The following RBFOX2 variants were observed in gnomAD, a reference collection of about 807,000 sequenced individuals.
RBFOX2 encodes the protein RNA binding protein fox-1 homolog 2.
A neutral mutation model predicts 49.1 loss-of-function variants in RBFOX2; 10 were observed. The ratio of observed to expected loss-of-function variants is 0.20; its 90% CI spans 0.13 to 0.35. RBFOX2 has a LOEUF of 0.35. Ranked by LOEUF, RBFOX2 falls within the 10% of genes least tolerant of loss-of-function variation. The pLI, the probability that RBFOX2 is intolerant of heterozygous loss-of-function variation, is 1.00. For synonymous variants in RBFOX2, 183 were observed against 187.4 expected (o/e 0.98, Z 0.19); for missense variants, 323 against 486.9 (o/e 0.66, Z 3.17).
At chr22:35,813,303 T>C (rs1952288644) in intron 1 of RBFOX2, among the ~76,000 whole-genome samples, 2 of 152,226 alleles carry the variant, frequency 1.3e-5, no homozygotes, top group African/African-American at 4.8e-5. Context: ...CAAAGTTCTA[T>C]GCTCAGAAGA....
chr22:35,911,513 T>C (rs1264521076), intron 1 of RBFOX2, among the ~76,000 whole-genome samples: 1 of 152,196 alleles, frequency 6.6e-6, no homozygotes, highest in Non-Finnish European at 1.5e-5. Context: ...GGTATTTTAA[T>C]ATACAGGATA....
upstream of RBFOX2, among the ~76,000 whole-genome samples, chr22:35,962,924 A>G (rs1184956477): frequency 6.6e-6 from 1 of 152,016 alleles, no homozygotes; most frequent in African/African-American, 2.4e-5. Flanking sequence ...GTGACCAAGT[A>G]ATAAGGGCTC....
At chr22:36,000,810 G>C (rs1162503584) in intron 1 of RBFOX2, among the ~76,000 whole-genome samples, 1 of 151,912 alleles carries the variant, frequency 6.6e-6, no homozygotes, top group Non-Finnish European at 1.5e-5. Flanking sequence ...CCTGCCTCTT[G>C]ACATCTTTCC....
rs1026647988 is a variant in RBFOX2, at chr22:35,870,064, A to G, written c.-33-60060T>C. 2.0e-5 allele frequency among the ~76,000 whole-genome samples: 3 copies of G among 152,200 alleles called. No homozygotes were observed. The East Asian group carries it at 5.8e-4, about 29-fold the overall frequency. On this transcript the variant is annotated intron_variant, in intron 1 of 13. Transcript: ENST00000359369. ...GGCTCTAAACATACAGAATGTAAATATGGACTTTTGTGGCAAGGCCCTTTC... is the reference window on the plus strand; with the variant it reads ...GGCTCTAAACATACAGAATGTAAATGTGGACTTTTGTGGCAAGGCCCTTTC...
chr22:35,751,328 TG>T (rs1569230224), intron 9 of RBFOX2, among the ~76,000 whole-genome samples: 1 of 151,702 alleles, frequency 6.6e-6, no homozygotes. Flanking sequence ...AGGAGGAGAG[TG>T]TGTATTTCAA....
rs866923428 is a variant in RBFOX2, at chr22:35,755,867, T to G, written c.887+4021A>C. 7.2e-5 allele frequency among the ~76,000 whole-genome samples: 11 copies of G among 152,000 alleles called. No homozygotes were observed. The Middle Eastern group carries it at 0.031, about 429-fold the overall frequency. Reference sequence around the variant, plus strand: ...AGAATATGTCCAGTAGACTGACCCTTGCAATGATCAGGAAACCCAAAGGCT... The same window carrying G: ...AGAATATGTCCAGTAGACTGACCCTGGCAATGATCAGGAAACCCAAAGGCT... On this transcript the variant is annotated intron_variant, in intron 9 of 11. Coordinates refer to ENST00000405409, the Ensembl canonical transcript of RBFOX2.
intron 1 of RBFOX2, among the ~76,000 whole-genome samples, chr22:35,911,716 A>G (rs772597234): frequency 2.0e-5 from 3 of 152,160 alleles, no homozygotes; most frequent in Non-Finnish European, 2.9e-5. Flanking sequence ...ATCTCTGCCT[A>G]TGACTCCATC....
At chr22:35,808,247 GAAAGTCTC>G (rs1458970907) in intron 2 of RBFOX2, among the ~76,000 whole-genome samples, 1 of 151,818 alleles carries the variant, frequency 6.6e-6, no homozygotes, top group Non-Finnish European at 1.5e-5. Context: ...AAATGCTACT[GAAAGTCTC>G]GTTTGTTACC....
intron 1 of RBFOX2, among the ~76,000 whole-genome samples, chr22:35,958,921 T>C (rs988731499): frequency 3.3e-5 from 5 of 152,002 alleles, no homozygotes; most frequent in African/African-American, 2.4e-5. Flanking sequence ...ATAGTCTCCA[T>C]TAAGTAAAAG....
upstream of RBFOX2, among the ~76,000 whole-genome samples, chr22:35,941,622 A>G (rs995265248): frequency 6.6e-6 from 1 of 152,198 alleles, no homozygotes; most frequent in Non-Finnish European, 1.5e-5. Context: ...TTATCTGATT[A>G]AGAAAGTAAT....
exon 12 of RBFOX2, chr22:35,739,970 TG>T (rs1253161785): frequency 3.9e-5 from 6 of 152,658 alleles, no homozygotes; most frequent in Admixed American, 6.5e-5. Context: ...AAACTGTAAC[TG>T]GCTACAGTTT....
chr22:35,887,574 C>G (rs554471040), intron 1 of RBFOX2, among the ~76,000 whole-genome samples: 4 of 152,112 alleles, frequency 2.6e-5, no homozygotes, highest in Admixed American at 6.5e-5. Flanking sequence ...TCCCCATTAC[C>G]ATATAGTGTT....
chr22:35,788,856 G>C (rs981530058), intron 2 of RBFOX2, among the ~76,000 whole-genome samples: 4 of 152,172 alleles, frequency 2.6e-5, no homozygotes, highest in African/African-American at 9.7e-5. Context: ...AGTCCTGGAA[G>C]TTTTCTTGTG....
chr22:36,016,120 A>G (rs2059024579), intron 1 of RBFOX2, among the ~76,000 whole-genome samples: 1 of 152,082 alleles, frequency 6.6e-6, no homozygotes, highest in African/African-American at 2.4e-5. Context: ...ATCCATATAG[A>G]TCTGCTTTGA....
At chr22:36,014,096 G>C (rs948315305) in intron 1 of RBFOX2, among the ~76,000 whole-genome samples, 1 of 151,550 alleles carries the variant, frequency 6.6e-6, no homozygotes, top group South Asian at 2.1e-4. Flanking sequence ...GCTGGGGCAT[G>C]GGCAGGATGA....
At chr22:35,742,751 A>G (rs1930565255) in exon 12 of RBFOX2, 1 of 152,466 alleles carries the variant, frequency 6.6e-6, no homozygotes, top group Admixed American at 6.5e-5. Flanking sequence ...TGGCAACGGC[A>G]GTGACTCACT....
chr22:35,752,662 C>T (rs1470642891), intron 9 of RBFOX2: 2 of 983,072 alleles, frequency 2.0e-6, no homozygotes, highest in Non-Finnish European at 1.2e-6. Flanking sequence ...TATTCTATAA[C>T]AGAACACAGG....
chr22:35,949,781 G>A (rs1236307837), intron 1 of RBFOX2, among the ~76,000 whole-genome samples: 1 of 152,094 alleles, frequency 6.6e-6, no homozygotes, highest in African/African-American at 2.4e-5. Flanking sequence ...TTGTTGTTGA[G>A]TTGTAAAAGT....
chr22:36,001,454 C>T (rs1450547369), intron 1 of RBFOX2, among the ~76,000 whole-genome samples: 3 of 151,796 alleles, frequency 2.0e-5, no homozygotes, highest in Admixed American at 6.6e-5. Context: ...TAAAAGATTC[C>T]CTTAAACTAA....
Sources: allele counts gnomAD v4.1 joint callset (sites outside exome capture counted in the v4.1 genomes callset), GRCh38; gene constraint gnomAD v4.1.1; transcripts MANE v1.5; gene names NCBI Gene and HGNC (gene_info 2026-07-23, HGNC 2026-07-21).